USP39: variants seen among roughly 807,000 people sequenced by gnomAD.
USP39 encodes the protein ubiquitin specific peptidase 39.
In USP39, 38 loss-of-function variants were observed where a neutral mutation model predicts 66.4. The ratio of observed to expected loss-of-function variants is 0.57; its 90% CI spans 0.44 to 0.75. The LOEUF is 0.75. Among genes scored for constraint, USP39 ranks in the 30% least tolerant of loss-of-function variants. The pLI, the probability that USP39 is intolerant of heterozygous loss-of-function variation, is 0.00. For missense variants in USP39, 608 were observed against 714.4 expected (o/e 0.85, Z 1.70); for synonymous variants, 303 against 274.6 (o/e 1.10, Z -1.02).
chr2:85,611,659 C>CGTGTGCCCCG (rs754622871), upstream of USP39: 20 of 1,556,240 alleles, frequency 1.3e-5, no homozygotes, highest in South Asian at 1.2e-5. Flanking sequence ...GCGGGGCGGG[C>CGTGTGCCCCG]GGCCTCACCT....
At chr2:85,639,501 C>G in intron 9 of USP39, 110 bp downstream of exon 9, 1 of 1,216,508 alleles carries the variant, frequency 8.2e-7, no homozygotes, top group Non-Finnish European at 1.1e-6. Context: ...GTCGCCCAGG[C>G]TGGAGTGCAG....
chr2:85,623,634 C>G lies in USP39; in HGVS notation c.434-12C>G, dbSNP rs762807597. On this transcript the variant is annotated splice_polypyrimidine_tract_variant and intron_variant, in intron 3 of 12. Coordinates refer to ENST00000323701, the MANE Select transcript of USP39 (RefSeq NM_006590.4). The stretch of plus-strand genomic sequence containing the variant: ...CTGCCCTTCTATTACAGCTTTTCAC[C>G]CTTCCCTACAGGCCGGGGTTTGAAG... 24 of 1,608,970 alleles carry G rather than the reference C, an allele frequency of 1.5e-5. No homozygotes were observed. Among genetic ancestry groups the G allele is most frequent in the Non-Finnish European group, 1.7e-5 (20 of 1,177,938 alleles).
intron 3 of USP39, among the ~76,000 whole-genome samples, chr2:85,623,409 G>T (rs1674613151): frequency 6.6e-6 from 1 of 150,962 alleles, no homozygotes; most frequent in Non-Finnish European, 1.5e-5. Context: ...AGTGAAATTT[G>T]TTTCCCTAAT....
At chr2:85,624,514 T>C (rs191129227) in intron 4 of USP39, among the ~76,000 whole-genome samples, 2 of 152,258 alleles carry the variant, frequency 1.3e-5, no homozygotes, top group Non-Finnish European at 2.9e-5. Flanking sequence ...CCAGATACAT[T>C]TTTAAAATTT....
chr2:85,630,901 G>A lies in USP39; in HGVS notation c.904G>A (p.Ala302Thr). The A allele has an allele frequency of 1.2e-6, 2 of 1,614,150 alleles. No homozygotes were observed. The highest frequency in any genetic ancestry group is 1.3e-5 in the African/African-American group (1 of 75,036). The change falls in exon 6 of 13, where the codon GCA becomes ACA. Residue 302 changes from alanine (A) to threonine (T), a missense_variant. By Grantham distance (58) the Ala-to-Thr change is moderately conservative. Coordinates refer to ENST00000323701, the MANE Select transcript of USP39 (RefSeq NM_006590.4). ...TGTGTCTCCCCATGAGATGCTTCAG[G>A]CAGTTGTACTTTGCAGTAAGAAGAC... ...AHVSPHEMLQ[A>T]VVLCSKKTFQ...
intron 6 of USP39, among the ~76,000 whole-genome samples, chr2:85,633,831 CTTTTTTT>C (rs35970499): frequency 5.1e-5 from 4 of 78,996 alleles, no homozygotes; most frequent in East Asian, 3.8e-4. Context: ...CGAGTAGTGG[CTTTTTTT>C]TTTTTTTTTT....
At chr2:85,621,756 G>A (rs557698944) in intron 3 of USP39, among the ~76,000 whole-genome samples, 177 bp downstream of exon 3, 15 of 152,176 alleles carry the variant, frequency 9.9e-5, no homozygotes, top group Admixed American at 9.2e-4. Context: ...ACCTGGATAT[G>A]TCTGTAAGGG....
chr2:85,612,463 C>G (rs1673627555), upstream of USP39: 4 of 1,221,880 alleles, frequency 3.3e-6, no homozygotes, highest in Middle Eastern at 2.2e-4. Context: ...ACACCTAGAG[C>G]ACCTACCTCA....
At chr2:85,624,382 G>C (rs899514445) in intron 4 of USP39, among the ~76,000 whole-genome samples, 19 of 151,782 alleles carry the variant, frequency 1.3e-4, no homozygotes, top group Admixed American at 1.2e-3. Context: ...GTCTCACTTT[G>C]TCGCTCAGGC....
intron 5 of USP39, 98 bp from the exon 6 acceptor site, chr2:85,630,623 C>A: frequency 2.5e-6 from 3 of 1,180,752 alleles, no homozygotes; most frequent in Middle Eastern, 3.9e-4. Flanking sequence ...CCATCACAGG[C>A]ACATCACAAA....
At chr2:85,647,671 A>C (rs894355234) in intron 11 of USP39, among the ~76,000 whole-genome samples, 17 of 151,998 alleles carry the variant, frequency 1.1e-4, no homozygotes, top group South Asian at 4.1e-4. Flanking sequence ...AAAAAAAAAA[A>C]AACAAAAAAA....
chr2:85,645,044 G>A lies in USP39; in HGVS notation c.1524G>A (p.Lys508=). The change falls in exon 11 of 13, where the codon AAG becomes AAA. Residue 508 remains lysine (K), a synonymous_variant. Coordinates refer to ENST00000323701, the MANE Select transcript of USP39 (RefSeq NM_006590.4). ...DLIANIVHDG[K]PSEGSYRIHV... ...TTGCCAACATCGTGCATGACGGCAA[G>A]CCCTCCGAGGGCTCCTACCGGATCC... 6.2e-7 allele frequency: 1 copy of A among 1,614,132 alleles called. No individual in the cohort carries two copies.
chr2:85,616,150 C>T, upstream of USP39: 1 of 1,400,950 alleles, frequency 7.1e-7, no homozygotes, highest in Non-Finnish European at 9.3e-7. Flanking sequence ...GCCGCGCGCT[C>T]GAGCGTGCTT....
intron 1 of USP39, among the ~76,000 whole-genome samples, chr2:85,617,506 C>G (rs185162410): frequency 6.6e-6 from 1 of 152,182 alleles, no homozygotes; most frequent in East Asian, 1.9e-4. Flanking sequence ...AATGGTGTCT[C>G]CCTACAAAAC....
At position 85,640,962 on chromosome 2, in the gene USP39, T is replaced by A. The variant is rs1375634518; in HGVS notation, c.1285-14T>A. 1 of 1,589,408 alleles carries A rather than the reference T, an allele frequency of 6.3e-7. No homozygotes were observed. Among genetic ancestry groups the A allele is most frequent in the Non-Finnish European group, 8.5e-7 (1 of 1,172,488 alleles). ...CTTCAGCACTAATTTGAGAATTTTC[T>A]TTTCTTTCTCTAGGAATATAAGACT... is the stretch of plus-strand genomic sequence containing the variant. On this transcript the variant is annotated splice_polypyrimidine_tract_variant and intron_variant, in intron 9 of 12. Coordinates refer to ENST00000323701, the MANE Select transcript of USP39 (RefSeq NM_006590.4).
At chr2:85,623,318 CTA>C (rs1045600937) in intron 3 of USP39, among the ~76,000 whole-genome samples, 6 of 150,176 alleles carry the variant, frequency 4.0e-5, no homozygotes, top group Non-Finnish European at 5.9e-5. Flanking sequence ...ATATAGGAAA[CTA>C]TGTATGAATA....
upstream of USP39, chr2:85,612,348 A>G (rs1331349843): frequency 1.3e-6 from 2 of 1,535,876 alleles, no homozygotes; most frequent in Non-Finnish European, 1.7e-6. Context: ...GTGCCTTCCC[A>G]TCTTTTTTCT....
At chr2:85,630,453 GTGTTT>G (rs539888367) in intron 5 of USP39, among the ~76,000 whole-genome samples, 11 of 152,314 alleles carry the variant, frequency 7.2e-5, no homozygotes, top group Middle Eastern at 3.4e-3. Flanking sequence ...TTGAATACCT[GTGTTT>G]TGTTTTGTTT....
At chr2:85,612,931 G>T (rs1180789153), upstream of USP39, among the ~76,000 whole-genome samples, 1 of 151,152 alleles carries the variant, frequency 6.6e-6, no homozygotes, top group Non-Finnish European at 1.5e-5. Flanking sequence ...AAAGTGTTGG[G>T]ATTGCAGGCA....
Sources: allele counts gnomAD v4.1 joint callset (sites outside exome capture counted in the v4.1 genomes callset), GRCh38; gene constraint gnomAD v4.1.1; transcripts MANE v1.5; gene names NCBI Gene and HGNC (gene_info 2026-07-23, HGNC 2026-07-21).